ATXN1: variants seen among roughly 807,000 people sequenced by gnomAD.
ATXN1 encodes ataxin-1.
In ATXN1, 8 loss-of-function variants were observed where a neutral mutation model predicts 56.4. That is an observed-to-expected ratio of 0.14 (90% CI 0.08 to 0.26). The LOEUF (loss-of-function observed/expected upper bound fraction) is 0.26, where lower values mean the gene tolerates loss of function less well. Ranked by LOEUF, ATXN1 falls within the 10% of genes least tolerant of loss-of-function variation. The pLI, the probability that ATXN1 is intolerant of heterozygous loss-of-function variation, is 1.00. For missense variants in ATXN1, 987 were observed against 1,106.5 expected, an observed-to-expected ratio of 0.89 and a Z score of 1.53; for synonymous variants, 514 against 494.6, an observed-to-expected ratio of 1.04 and a Z score of -0.52.
rs776735171 is a variant in ATXN1, at chr6:16,300,805, C to T, written c.*5524G>A. On this transcript the variant is annotated 3_prime_UTR_variant, in exon 8 of 8. Coordinates refer to ENST00000436367, the MANE Select transcript of ATXN1 (RefSeq NM_001128164.2). The stretch of plus-strand genomic sequence containing the variant: ...GTGCTGAAAATGTCAAACATCATCT[C>T]TGAAGAAAAAGAAGTTGCAATGGCT... The T allele has an allele frequency of 5.2e-5, 8 of 152,518 alleles. No homozygotes were observed. Among genetic ancestry groups the T allele is most frequent in the Admixed American group, 3.9e-4 (6 of 15,276 alleles). The allele number at this position is 152,518 out of a possible 1,614,324, so 9.4% of individuals were successfully genotyped here.
chr6:16,676,373 T>C (rs1758660762), intron 2 of ATXN1, among the ~76,000 whole-genome samples: 1 of 152,202 alleles, frequency 6.6e-6, no homozygotes, highest in Non-Finnish European at 1.5e-5. Context: ...AAAATCAATG[T>C]ACAAAGTAGT....
chr6:16,697,348 T>TAG (rs961630777), intron 2 of ATXN1, among the ~76,000 whole-genome samples: 1 of 152,188 alleles, frequency 6.6e-6, no homozygotes, highest in Non-Finnish European at 1.5e-5. Flanking sequence ...CCCTTGGACT[T>TAG]GTCTAAGACT....
chr6:16,618,868 G>A (rs1763268739), intron 3 of ATXN1, among the ~76,000 whole-genome samples: 1 of 151,836 alleles, frequency 6.6e-6, no homozygotes, highest in Non-Finnish European at 1.5e-5. Flanking sequence ...ATATCAAAGT[G>A]GGAAAAATAT....
chr6:16,632,622 C>A (rs978558055), intron 3 of ATXN1, among the ~76,000 whole-genome samples: 3 of 151,854 alleles, frequency 2.0e-5, no homozygotes, highest in African/African-American at 7.3e-5. Context: ...TGTGGCCCCA[C>A]CAGTGCTAAG....
chr6:16,687,303 T>A (rs2113410947), intron 2 of ATXN1, among the ~76,000 whole-genome samples: 1 of 152,260 alleles, frequency 6.6e-6, no homozygotes, highest in East Asian at 1.9e-4. Flanking sequence ...GATGACAAGA[T>A]TGTCTGGATG....
intron 6 of ATXN1, among the ~76,000 whole-genome samples, chr6:16,442,693 C>T (rs921571860): frequency 1.3e-5 from 2 of 152,092 alleles, no homozygotes; most frequent in African/African-American, 4.8e-5. Flanking sequence ...AAGAAGGGTA[C>T]CATATTAAGG....
intron 6 of ATXN1, among the ~76,000 whole-genome samples, chr6:16,462,559 C>A (rs2113628105): frequency 6.6e-6 from 1 of 152,298 alleles, no homozygotes; most frequent in South Asian, 2.1e-4. Flanking sequence ...CTCTTTGCAG[C>A]AGGACTATAT....
chr6:16,730,649 T>C (rs980088572), intron 2 of ATXN1, among the ~76,000 whole-genome samples: 11 of 152,072 alleles, frequency 7.2e-5, no homozygotes, highest in African/African-American at 2.4e-4. Flanking sequence ...TTTTTAGGAA[T>C]AGCACCCTGC....
chr6:16,695,227 T>A (rs1032093233), intron 2 of ATXN1, among the ~76,000 whole-genome samples: 1 of 152,156 alleles, frequency 6.6e-6, no homozygotes, highest in African/African-American at 2.4e-5. Flanking sequence ...AGACTTACAA[T>A]CTTTCTGAAA....
At chr6:16,323,357 A>G (rs1199762083) in intron 7 of ATXN1, among the ~76,000 whole-genome samples, 1 of 151,862 alleles carries the variant, frequency 6.6e-6, no homozygotes, top group Non-Finnish European at 1.5e-5. Context: ...TGTCTCTACT[A>G]AAAATACAAA....
In ATXN1 at chr6:16,429,046, C is replaced by T. The variant is rs537604152; in HGVS notation, c.-161+56926G>A. 2.8e-5 allele frequency among the ~76,000 whole-genome samples: 4 copies of T among 145,200 alleles called. No homozygotes were observed. In the Admixed American group the frequency reaches 2.8e-4, roughly 10 times the overall value. ...GCTGCCAGTGGAGCAGTGGGGGCGG[C>T]GAGGGTAGGGGGGTGGGAGGTCACC... On this transcript the variant is annotated intron_variant, in intron 6 of 7. Coordinates refer to ENST00000436367, the MANE Select transcript of ATXN1 (RefSeq NM_001128164.2).
intron 7 of ATXN1, among the ~76,000 whole-genome samples, chr6:16,321,935 T>C (rs867994387): frequency 2.1e-4 from 32 of 152,312 alleles, no homozygotes; most frequent in African/African-American, 6.3e-4. Context: ...TGAAGAATCA[T>C]ACGTGGCCGG....
chr6:16,366,764 G>A (rs1395707049), intron 6 of ATXN1, among the ~76,000 whole-genome samples: 4 of 148,156 alleles, frequency 2.7e-5, no homozygotes, highest in African/African-American at 7.5e-5. Flanking sequence ...CTGGGTGACA[G>A]AGTGAGACTC....
At chr6:16,505,985 T>C (rs1760976271) in intron 5 of ATXN1, among the ~76,000 whole-genome samples, 1 of 152,180 alleles carries the variant, frequency 6.6e-6, no homozygotes, top group African/African-American at 2.4e-5. Flanking sequence ...AATCCTCTTT[T>C]TGTGATTCTC....
At chr6:16,397,925 G>A (rs1400539708) in intron 6 of ATXN1, among the ~76,000 whole-genome samples, 2 of 152,154 alleles carry the variant, frequency 1.3e-5, no homozygotes, top group Non-Finnish European at 2.9e-5. Flanking sequence ...TTGCTATGTT[G>A]AGTTTCATTG....
chr6:16,628,662 T>C (rs1335997770), intron 3 of ATXN1, among the ~76,000 whole-genome samples: 2 of 152,188 alleles, frequency 1.3e-5, no homozygotes, highest in Non-Finnish European at 2.9e-5. Context: ...TTCCCTTCTT[T>C]GTGTCCATGA....
In ATXN1 at chr6:16,672,099, C is replaced by T. The variant is rs144034946; in HGVS notation, c.-614-14198G>A. 9.6e-3 allele frequency among the ~76,000 whole-genome samples: 1,456 copies of T among 152,248 alleles called. 15 individuals are homozygous for T. The highest frequency in any genetic ancestry group is 0.061 in the Middle Eastern group (18 of 294). Reference sequence around the variant, plus strand: ...GACCTATTTAACATACTTTAAGGCCCAGGAATCTGAATTTTCAACAGGACT... The same window carrying T: ...GACCTATTTAACATACTTTAAGGCCTAGGAATCTGAATTTTCAACAGGACT... On this transcript the variant is annotated intron_variant, in intron 2 of 7. Coordinates refer to ENST00000436367, the MANE Select transcript of ATXN1 (RefSeq NM_001128164.2).
intron 5 of ATXN1, among the ~76,000 whole-genome samples, chr6:16,510,885 T>C (rs937096801): frequency 2.6e-5 from 4 of 152,220 alleles, no homozygotes; most frequent in African/African-American, 9.6e-5. Context: ...TTATAAAGCT[T>C]GTCTATTTAA....
At chr6:16,680,847 A>C (rs3793102) in intron 2 of ATXN1, among the ~76,000 whole-genome samples, 77,793 of 152,026 alleles carry the variant, frequency 0.51, 20,504 homozygotes, top group East Asian at 0.59. Flanking sequence ...AAGAAAAAAT[A>C]AATTCCATTA....
Sources: gnomAD v4.1 joint callset for allele counts (sites outside exome capture counted in the v4.1 genomes callset) on GRCh38, gnomAD v4.1.1 for gene constraint, MANE v1.5 for transcripts, NCBI Gene and HGNC (gene_info 2026-07-23, HGNC 2026-07-21) for gene names.